Variants in HPSE2 observed in about 807,000 individuals in gnomAD.
HPSE2 encodes inactive heparanase-2.
In HPSE2, 38 loss-of-function variants were observed where a neutral mutation model predicts 60.5. That is an observed-to-expected ratio of 0.63 (90% CI 0.48 to 0.82). HPSE2 has a LOEUF of 0.82. HPSE2 is among the 40% of genes least tolerant of loss of function. The probability of loss-of-function intolerance (pLI) is 0.00; values close to 1 mark genes in which losing one functional copy is unlikely to be tolerated. For synonymous variants in HPSE2, 295 were observed against 293.2 expected (o/e 1.01, Z -0.06); for missense variants, 713 against 740.4 (o/e 0.96, Z 0.43).
intron 5 of HPSE2, among the ~76,000 whole-genome samples, chr10:98,699,526 G>T (rs1214401302): frequency 8.7e-6 from 1 of 115,074 alleles, no homozygotes; most frequent in Non-Finnish European, 1.9e-5. Flanking sequence ...CAAACCCACA[G>T]CCAATATCAT....
chr10:99,061,289 A>G (rs1181709331), intron 3 of HPSE2, among the ~76,000 whole-genome samples: 2 of 151,946 alleles, frequency 1.3e-5, no homozygotes, highest in Admixed American at 6.6e-5. Context: ...CCCAGTATGC[A>G]TCCATTGTAA....
chr10:99,031,977 C>G (rs996534200), intron 3 of HPSE2, among the ~76,000 whole-genome samples: 5 of 152,106 alleles, frequency 3.3e-5, no homozygotes, highest in Non-Finnish European at 5.9e-5. Flanking sequence ...AGAGAAATCC[C>G]AACATTCACA....
chr10:99,194,433 T>C (rs1347024496), intron 2 of HPSE2, among the ~76,000 whole-genome samples: 1 of 151,150 alleles, frequency 6.6e-6, no homozygotes. Flanking sequence ...CCAGAGCAGA[T>C]ATCAATGAAA....
Position 99,098,343 on chromosome 10 carries a change from T to A in HPSE2, c.610+45895A>T, listed in dbSNP as rs1843795544. 1.3e-5 allele frequency among the ~76,000 whole-genome samples: 2 copies of A among 152,196 alleles called. 1 individual carries two copies. Among genetic ancestry groups the A allele is most frequent in the South Asian group, 4.1e-4 (2 of 4,828 alleles). On this transcript the variant is annotated intron_variant, in intron 3 of 11. Transcript: ENST00000370552. ...TAGGTTATATGAAAATATTAACCCA[T>A]TTTATATCAAGGAGTTGGGCACCCT...
At chr10:98,677,235 C>T (rs146927421) in intron 6 of HPSE2, among the ~76,000 whole-genome samples, 1 of 152,292 alleles carries the variant, frequency 6.6e-6, no homozygotes, top group East Asian at 1.9e-4. Flanking sequence ...TATCACAGTG[C>T]CTGCACATAG....
chr10:99,198,017 G>A (rs1848458314), intron 2 of HPSE2, among the ~76,000 whole-genome samples: 1 of 151,290 alleles, frequency 6.6e-6, no homozygotes, highest in Non-Finnish European at 1.5e-5. Context: ...GTTGCAGTGA[G>A]CCAAGATCGT....
intron 3 of HPSE2, among the ~76,000 whole-genome samples, chr10:98,751,404 T>C (rs1949755164): frequency 6.6e-6 from 1 of 152,198 alleles, no homozygotes; most frequent in African/African-American, 2.4e-5. Context: ...CATAGTTAAT[T>C]TGTTTTAAGG....
chr10:98,692,265 A>G (rs540762673), intron 6 of HPSE2, among the ~76,000 whole-genome samples: 1 of 152,284 alleles, frequency 6.6e-6, no homozygotes, highest in African/African-American at 2.4e-5. Flanking sequence ...AGATATGCAC[A>G]TGGACCTGAA....
intron 6 of HPSE2, among the ~76,000 whole-genome samples, chr10:98,662,636 T>C (rs541100246): frequency 2.2e-4 from 34 of 152,284 alleles, no homozygotes; most frequent in African/African-American, 7.9e-4. Context: ...AAATAATCTG[T>C]ACAACAAACC....
intron 5 of HPSE2, among the ~76,000 whole-genome samples, chr10:98,698,455 A>T (rs1184924202): frequency 6.6e-6 from 1 of 152,106 alleles, no homozygotes; most frequent in Admixed American, 6.5e-5. Flanking sequence ...GAACAAAGAC[A>T]CAACATACCA....
chr10:99,235,004 AGT>A (rs1339182319), intron 1 of HPSE2, among the ~76,000 whole-genome samples: 1 of 152,094 alleles, frequency 6.6e-6, no homozygotes, highest in Non-Finnish European at 1.5e-5. Context: ...GTTTTCTGAG[AGT>A]GGGAGAGAAC....
chr10:99,167,136 T>A (rs10400175), intron 2 of HPSE2, among the ~76,000 whole-genome samples: 1 of 151,978 alleles, frequency 6.6e-6, no homozygotes. Context: ...TCAGCCTCCC[T>A]AGTAGATGGG....
chr10:99,086,621 G>A (rs1843331659), intron 3 of HPSE2, among the ~76,000 whole-genome samples: 1 of 151,808 alleles, frequency 6.6e-6, no homozygotes, highest in Non-Finnish European at 1.5e-5. Flanking sequence ...CAAAGTGCTG[G>A]GATTACAGGC....
chr10:99,262,109 T>C, the HPSE2 span, among the ~76,000 whole-genome samples: 384 of 152,230 alleles, frequency 2.5e-3, 2 homozygotes, highest in Non-Finnish European at 3.6e-3. Flanking sequence ...CCATCACAGA[T>C]GCTTTGGATA....
intron 3 of HPSE2, among the ~76,000 whole-genome samples, chr10:99,052,744 C>A (rs573708689): frequency 4.6e-5 from 7 of 151,792 alleles, no homozygotes; most frequent in Non-Finnish European, 5.9e-5. Flanking sequence ...AAGAAAAGGC[C>A]AAGAGGAAAG....
intron 9 of HPSE2, among the ~76,000 whole-genome samples, chr10:98,614,701 A>ATGTGTGTG (rs141443710): frequency 0.037 from 5,501 of 148,988 alleles, 353 homozygotes; most frequent in African/African-American, 0.13. Context: ...GAGTGAACAG[A>ATGTGTGTG]TGTGTGTGTG....
At chr10:98,693,009 G>T (rs546562393) in intron 6 of HPSE2, among the ~76,000 whole-genome samples, 44 of 152,306 alleles carry the variant, frequency 2.9e-4, no homozygotes, top group African/African-American at 1.0e-3. Context: ...ATCCACAGTG[G>T]ATAGTGTGAC....
At chr10:99,083,395 C>T (rs879528687) in intron 3 of HPSE2, among the ~76,000 whole-genome samples, 21 of 152,170 alleles carry the variant, frequency 1.4e-4, no homozygotes, top group Admixed American at 7.2e-4. Context: ...AACTAGATAA[C>T]CTCAAGGTCA....
At chr10:98,748,192 C>T (rs1036884876) in intron 3 of HPSE2, among the ~76,000 whole-genome samples, 1 of 152,034 alleles carries the variant, frequency 6.6e-6, no homozygotes, top group South Asian at 2.1e-4. Flanking sequence ...CCCAGCTACT[C>T]TACTTAGGAG....
Sources: gnomAD v4.1 joint callset for allele counts (sites outside exome capture counted in the v4.1 genomes callset) on GRCh38, gnomAD v4.1.1 for gene constraint, MANE v1.5 for transcripts, NCBI Gene and HGNC (gene_info 2026-07-23, HGNC 2026-07-21) for gene names.